The following IL12RB2 variants were observed in gnomAD, a reference collection of about 807,000 sequenced individuals.
IL12RB2 encodes the protein interleukin 12 receptor subunit beta 2, also known as interleukin-12 receptor subunit beta-2.
In IL12RB2, 82 loss-of-function variants were observed where a neutral mutation model predicts 89.4. The ratio of observed to expected loss-of-function variants is 0.92; its 90% CI spans 0.77 to 1.10. IL12RB2 has a LOEUF of 1.10. Among genes scored for constraint, IL12RB2 ranks in the 50% least tolerant of loss-of-function variants. The pLI is 0.00. For missense variants in IL12RB2, 963 were observed against 1,031.9 expected, an observed-to-expected ratio of 0.93 and a Z score of 0.92; for synonymous variants, 368 against 370.1, an observed-to-expected ratio of 0.99 and a Z score of 0.07.
chr1:67,327,384 G>A (rs1657477784), intron 5 of IL12RB2, among the ~76,000 whole-genome samples: 1 of 152,156 alleles, frequency 6.6e-6, no homozygotes, highest in South Asian at 2.1e-4. Context: ...GAGACCGAAT[G>A]TCTTGGGTCT....
At chr1:67,341,030 T>C (rs1255309045) in intron 9 of IL12RB2, among the ~76,000 whole-genome samples, 1 of 152,178 alleles carries the variant, frequency 6.6e-6, no homozygotes, top group African/African-American at 2.4e-5. Context: ...TCTCTTATTG[T>C]TTAGAAAATG....
intron 9 of IL12RB2, among the ~76,000 whole-genome samples, chr1:67,341,553 A>AAAAAG (rs1558318148): frequency 1.6e-5 from 2 of 125,390 alleles, no homozygotes; most frequent in African/African-American, 2.8e-5. Context: ...GAAAGAAAGA[A>AAAAAG]AGAAAGAAAG....
rs1470717693 is a variant in IL12RB2, at chr1:67,328,279, C to T, written c.559C>T (p.Leu187Phe). 1 of 1,614,002 alleles carries T rather than the reference C, an allele frequency of 6.2e-7. No homozygotes were observed. The highest frequency in any genetic ancestry group is 1.3e-5 in the African/African-American group (1 of 74,910). Residue 187 changes from leucine (L) to phenylalanine (F), a missense_variant, in exon 6 of 17, where the codon CTC becomes TTC. By Grantham distance (22) the Leu-to-Phe change is conservative. Coordinates refer to ENST00000674203, the MANE Select transcript of IL12RB2 (RefSeq NM_001374259.2). ...YCDYLDFGIN[L>F]TPESPESNFT... Reference sequence around the variant, plus strand: ...TGACTATTTGGACTTTGGAATCAACCTCACCCCTGAATCACCTGAATCCAA... The same window carrying T: ...TGACTATTTGGACTTTGGAATCAACTTCACCCCTGAATCACCTGAATCCAA...
At chr1:67,386,038 GTC>G (rs1397450806) in intron 14 of IL12RB2, among the ~76,000 whole-genome samples, 3 of 151,530 alleles carry the variant, frequency 2.0e-5, no homozygotes, top group Admixed American at 2.0e-4. Context: ...GTGAAACCCT[GTC>G]TCTACTAAAA....
intron 16 of IL12RB2, among the ~76,000 whole-genome samples, chr1:67,393,592 A>G (rs907895668): frequency 6.6e-6 from 1 of 152,218 alleles, no homozygotes; most frequent in Non-Finnish European, 1.5e-5. Context: ...AGAAAAGAGC[A>G]GTCTCCCCGA....
chr1:67,378,992 T>C (rs1464128388), intron 13 of IL12RB2, among the ~76,000 whole-genome samples: 2 of 151,732 alleles, frequency 1.3e-5, no homozygotes, highest in African/African-American at 4.8e-5. Context: ...GAGGCCAGGA[T>C]TTCAAGATTA....
chr1:67,333,432 ACT>A (rs933115549), intron 8 of IL12RB2, among the ~76,000 whole-genome samples: 2 of 146,662 alleles, frequency 1.4e-5, no homozygotes. Context: ...ACTGTGAATG[ACT>A]CTACAACAGA....
At chr1:67,357,182 C>T (rs568088537) in intron 10 of IL12RB2, among the ~76,000 whole-genome samples, 8 of 152,074 alleles carry the variant, frequency 5.3e-5, no homozygotes, top group Non-Finnish European at 1.2e-4. Flanking sequence ...CATGGCAAAA[C>T]CCTGTCTCTA....
At chr1:67,367,187 G>A (rs1662766585) in intron 10 of IL12RB2, among the ~76,000 whole-genome samples, 1 of 151,938 alleles carries the variant, frequency 6.6e-6, no homozygotes, top group African/African-American at 2.4e-5. Flanking sequence ...GAGCCCAGGA[G>A]TTTGAGATCA....
chr1:67,388,710 TTAATTA>T (rs1665493268), intron 15 of IL12RB2, among the ~76,000 whole-genome samples: 1 of 150,184 alleles, frequency 6.7e-6, no homozygotes, highest in South Asian at 2.1e-4. Flanking sequence ...TTTTTCTTGT[TTAATTA>T]TATTTTTAGA....
At chr1:67,362,588 A>AG (rs1247805838) in intron 10 of IL12RB2, among the ~76,000 whole-genome samples, 12 of 149,180 alleles carry the variant, frequency 8.0e-5, no homozygotes, top group African/African-American at 2.7e-4. Context: ...AAAAAAAAAA[A>AG]AAAAGAAAAA....
At chr1:67,323,532 T>G (rs1398530089) in intron 4 of IL12RB2, among the ~76,000 whole-genome samples, 1 of 152,198 alleles carries the variant, frequency 6.6e-6, no homozygotes, top group Non-Finnish European at 1.5e-5. Flanking sequence ...ATGGGAGGCA[T>G]TCAGGTGACG....
intron 1 of IL12RB2, among the ~76,000 whole-genome samples, chr1:67,312,582 C>A (rs1655215458): frequency 1.4e-5 from 2 of 146,864 alleles, no homozygotes; most frequent in Admixed American, 6.9e-5. Flanking sequence ...TGGGATGTAT[C>A]TAAAATGGAA....
chr1:67,362,296 G>T (rs1662147104), intron 10 of IL12RB2, among the ~76,000 whole-genome samples: 1 of 151,578 alleles, frequency 6.6e-6, no homozygotes, highest in Non-Finnish European at 1.5e-5. Context: ...GCCGGGCGCG[G>T]TGGCTCACGC....
chr1:67,316,170 TAGAC>T (rs1655735682), intron 2 of IL12RB2, among the ~76,000 whole-genome samples: 2 of 152,154 alleles, frequency 1.3e-5, no homozygotes, highest in African/African-American at 4.8e-5. Context: ...ATGGAGGAGA[TAGAC>T]AGGTATCTAA....
chr1:67,319,807 G>A (rs938384973), intron 2 of IL12RB2, among the ~76,000 whole-genome samples: 1 of 152,104 alleles, frequency 6.6e-6, no homozygotes, highest in African/African-American at 2.4e-5. Context: ...ATTAGGAGAT[G>A]GGGTCTTTGG....
At chr1:67,347,923 C>T (rs1488545763) in intron 9 of IL12RB2, among the ~76,000 whole-genome samples, 1 of 152,166 alleles carries the variant, frequency 6.6e-6, no homozygotes, top group African/African-American at 2.4e-5. Context: ...CTATTTGAAA[C>T]CGTTCCTTAA....
chr1:67,311,014 C>G (rs978062416), intron 1 of IL12RB2, among the ~76,000 whole-genome samples: 1 of 151,990 alleles, frequency 6.6e-6, no homozygotes, highest in East Asian at 1.9e-4. Context: ...TGAGTCACCA[C>G]GTCCGTCCAG....
At chr1:67,393,388 TTGTAA>T (rs1434152122) in intron 16 of IL12RB2, among the ~76,000 whole-genome samples, 1 of 152,198 alleles carries the variant, frequency 6.6e-6, no homozygotes, top group Non-Finnish European at 1.5e-5. Context: ...AGGGCCCGCT[TTGTAA>T]AAGCCGTGAG....
Sources: allele counts gnomAD v4.1 joint callset (sites outside exome capture counted in the v4.1 genomes callset), GRCh38; gene constraint gnomAD v4.1.1; transcripts MANE v1.5; gene names NCBI Gene and HGNC (gene_info 2026-07-23, HGNC 2026-07-21).